Variants in MLIP observed in about 807,000 individuals in gnomAD.
MLIP encodes the protein muscular LMNA-interacting protein.
A neutral mutation model predicts 84.8 loss-of-function variants in MLIP; 79 were observed. The observed-to-expected ratio is 0.93, with a 90% CI of 0.78 to 1.12. The LOEUF (loss-of-function observed/expected upper bound fraction) is 1.12, where lower values mean the gene tolerates loss of function less well. Among genes scored for constraint, MLIP ranks in the 50% most tolerant of loss-of-function variants. The probability of loss-of-function intolerance (pLI) is 0.00; values close to 1 mark genes in which losing one functional copy is unlikely to be tolerated. For missense variants in MLIP, 1,257 were observed against 1,160.6 expected, an observed-to-expected ratio of 1.08 and a Z score of -1.21; for synonymous variants, 504 against 463.0, an observed-to-expected ratio of 1.09 and a Z score of -1.14.
In MLIP at chr6:54,160,797, A is replaced by T. The variant is rs779386903; in HGVS notation, c.2497A>T (p.Lys833Ter). ...GACATTGTTGGGTTCTGACACAGTC[A>T]AAGTATGTATGTATTTAATATAATT... ...PKTLLGSDTV[K>*]TPTTLPRAAG... The change falls in exon 8 of 14, where the codon AAA (lysine) becomes TAA (stop). Residue 833 changes from lysine to a stop codon, truncating the protein, a stop_gained and splice_region_variant. Transcript: ENST00000502396. LOFTEE classifies it high-confidence loss of function. 8.1e-6 allele frequency: 13 copies of T among 1,605,126 alleles called. No homozygotes were observed. Among genetic ancestry groups the T allele is most frequent in the South Asian group, 7.7e-5 (7 of 90,784 alleles).
chr6:54,076,855 A>G (rs780112519), intron 1 of MLIP, among the ~76,000 whole-genome samples: 5 of 152,150 alleles, frequency 3.3e-5, no homozygotes, highest in African/African-American at 4.8e-5. Flanking sequence ...AAGATTTGCC[A>G]GAGGCCAGAA....
intron 1 of MLIP, chr6:54,083,372 A>G (rs2150360426): frequency 9.6e-7 from 1 of 1,040,982 alleles, no homozygotes; most frequent in Non-Finnish European, 1.4e-6. Context: ...GAAATAACAG[A>G]TGCATTGCTA....
At chr6:54,239,231 G>A (rs12215211) in intron 12 of MLIP, among the ~76,000 whole-genome samples, 20,038 of 151,252 alleles carry the variant, frequency 0.13, 1,513 homozygotes, top group African/African-American at 0.2. Context: ...ACTCTCACTC[G>A]CAGACCCCAG....
At chr6:54,072,422 G>T (rs1157793685) in intron 1 of MLIP, among the ~76,000 whole-genome samples, 2 of 152,130 alleles carry the variant, frequency 1.3e-5, no homozygotes, top group Admixed American at 6.6e-5. Context: ...AGGGTAATGG[G>T]TCTGTTACTG....
At position 54,138,064 on chromosome 6, in the gene MLIP, C is replaced by T. The variant is rs1295729202; in HGVS notation, c.1995C>T (p.Ala665=). 1 of 1,536,152 alleles carries T rather than the reference C, an allele frequency of 6.5e-7. No individual in the cohort carries two copies. Among genetic ancestry groups the T allele is most frequent in the South Asian group, 1.2e-5 (1 of 84,060 alleles). Residue 665 remains alanine, a synonymous_variant, in exon 4 of 14, where the codon GCC becomes GCT. Transcript: ENST00000502396. The part of the protein sequence containing the change: ...PNLRSSSLPH[A]NLPTLVPQLS... The stretch of plus-strand genomic sequence containing the variant: ...TGAGGTCCTCCTCTCTCCCTCATGC[C>T]AATCTGCCCACCCTGGTGCCCCAGC...
At chr6:54,252,004 C>CAT (rs538293281) in intron 12 of MLIP, among the ~76,000 whole-genome samples, 43 of 48,240 alleles carry the variant, frequency 8.9e-4, no homozygotes, top group African/African-American at 1.3e-3. Flanking sequence ...TATATTATAA[C>CAT]ATAATATATA....
At chr6:54,152,048 TC>T (rs1284776766) in intron 5 of MLIP, among the ~76,000 whole-genome samples, 4 of 152,148 alleles carry the variant, frequency 2.6e-5, no homozygotes, top group Admixed American at 2.6e-4. Flanking sequence ...CTATCATTTT[TC>T]CCCTGTGAAC....
intron 1 of MLIP, among the ~76,000 whole-genome samples, chr6:54,039,597 C>T (rs1764631616): frequency 6.6e-6 from 1 of 151,778 alleles, no homozygotes; most frequent in Non-Finnish European, 1.5e-5. Flanking sequence ...GAGAGCTAGC[C>T]TCATGTGTAA....
rs140244251 is a variant in MLIP, at chr6:54,183,857, G to A, written c.2545-6013G>A. Reference sequence around the variant, plus strand: ...ACTCTTAGACAGTGTAAGTTCCATCGATAGTAAGAATAAGCAGTTCAAAGT... The same window carrying A: ...ACTCTTAGACAGTGTAAGTTCCATCAATAGTAAGAATAAGCAGTTCAAAGT... On this transcript the variant is annotated intron_variant, in intron 9 of 13. Transcript: ENST00000502396. Among the ~76,000 whole-genome samples the A allele has an allele frequency of 2.3e-3, 340 of 147,930 alleles. 2 individuals are homozygous for A. The highest frequency in any genetic ancestry group is 7.6e-3 in the African/African-American group (307 of 40,390).
intron 12 of MLIP, among the ~76,000 whole-genome samples, chr6:54,254,418 C>T (rs1782853844): frequency 1.3e-5 from 2 of 152,066 alleles, no homozygotes; most frequent in Admixed American, 6.6e-5. Context: ...AGCCACCACA[C>T]CCAGTCAGTA....
chr6:54,074,526 TAAG>T (rs1271279979), intron 1 of MLIP, among the ~76,000 whole-genome samples: 3 of 152,228 alleles, frequency 2.0e-5, no homozygotes, highest in South Asian at 2.1e-4. Flanking sequence ...TATTTTGCGG[TAAG>T]AAGGTCAGCA....
At chr6:54,253,306 G>C (rs1370661691) in intron 12 of MLIP, among the ~76,000 whole-genome samples, 1 of 152,114 alleles carries the variant, frequency 6.6e-6, no homozygotes. Flanking sequence ...GAAGCAGAAG[G>C]TACAGATGAC....
At chr6:54,146,681 C>A (rs558790256) in intron 4 of MLIP, among the ~76,000 whole-genome samples, 3 of 152,274 alleles carry the variant, frequency 2.0e-5, no homozygotes, top group East Asian at 3.9e-4. Flanking sequence ...GGGAGTTGAA[C>A]CAAATGACCT....
At chr6:54,056,766 A>G (rs1765685018) in intron 1 of MLIP, among the ~76,000 whole-genome samples, 1 of 152,186 alleles carries the variant, frequency 6.6e-6, no homozygotes. Flanking sequence ...TGGAGTGAAG[A>G]AGAAGGTTTA....
chr6:54,141,207 A>T (rs1467250396), intron 4 of MLIP, among the ~76,000 whole-genome samples: 2 of 151,984 alleles, frequency 1.3e-5, no homozygotes, highest in Non-Finnish European at 2.9e-5. Flanking sequence ...CATTTGTGTG[A>T]TATAATTGCT....
intron 12 of MLIP, among the ~76,000 whole-genome samples, 178 bp from the exon 13 acceptor site, chr6:54,257,130 A>G (rs1222553668): frequency 6.6e-6 from 1 of 152,178 alleles, no homozygotes; most frequent in African/African-American, 2.4e-5. Flanking sequence ...CCCTCTGCCA[A>G]AATATCTTCC....
At chr6:54,101,630 G>A (rs1297696628) in intron 1 of MLIP, among the ~76,000 whole-genome samples, 1 of 152,010 alleles carries the variant, frequency 6.6e-6, no homozygotes, top group Admixed American at 6.6e-5. Context: ...ACATCATCTT[G>A]GAGCTCACAT....
intron 9 of MLIP, among the ~76,000 whole-genome samples, chr6:54,176,238 CATT>C (rs1285861352): frequency 6.7e-6 from 1 of 150,092 alleles, no homozygotes; most frequent in Non-Finnish European, 1.5e-5. Flanking sequence ...ATACTGGTCT[CATT>C]ATAGAATGAG....
At chr6:54,166,962 T>C (rs1388277834) in intron 8 of MLIP, among the ~76,000 whole-genome samples, 1 of 151,936 alleles carries the variant, frequency 6.6e-6, no homozygotes, top group Admixed American at 6.6e-5. Flanking sequence ...CCGAAAACTT[T>C]GGTGTCATGT....
Sources: gnomAD v4.1 joint callset for allele counts (sites outside exome capture counted in the v4.1 genomes callset) on GRCh38, gnomAD v4.1.1 for gene constraint, MANE v1.5 for transcripts, NCBI Gene and HGNC (gene_info 2026-07-23, HGNC 2026-07-21) for gene names.